OR5M3: variants seen among roughly 807,000 people sequenced by gnomAD.
OR5M3 encodes the protein olfactory receptor 5M3.
For synonymous variants in OR5M3, 129 were observed against 131.3 expected, an observed-to-expected ratio of 0.98 and a Z score of 0.12; for missense variants, 384 against 378.6, an observed-to-expected ratio of 1.01 and a Z score of -0.12.
chr11:56,469,518 C>CT lies in OR5M3; in HGVS notation c.*55dup. The CT allele has an allele frequency of 8.4e-7, 1 of 1,197,280 alleles. No individual in the cohort carries two copies. The highest frequency in any genetic ancestry group is 1.2e-6 in the Non-Finnish European group (1 of 863,858). 74.2% of individuals were successfully genotyped at this position (1,197,280 alleles called of 1,614,324 possible). On this transcript the variant is annotated 3_prime_UTR_variant, in exon 2 of 2. Transcript: ENST00000641993. ...ATGTTCCTAGGTACTGGGTAATAAA[C>CT]TTTTTCCAAACAAATAATAGAAGAT...
intron 1 of OR5M3, among the ~76,000 whole-genome samples, chr11:56,471,882 T>C (rs1296915595): frequency 6.6e-6 from 1 of 152,064 alleles, no homozygotes; most frequent in East Asian, 1.9e-4. Flanking sequence ...TTCTAATGGC[T>C]ATATGTTATC....
Position 56,471,979 on chromosome 11 carries a change from T to C in OR5M3, c.-45+1242A>G, listed in dbSNP as rs904808653. On this transcript the variant is annotated intron_variant, in intron 1 of 1. Coordinates refer to ENST00000641993, the MANE Select transcript of OR5M3 (RefSeq NM_001004742.3). Reference sequence around the variant, plus strand: ...ATCACAATTTGATGAAATTTATCCATATTATTACTGGTTAGCAGTTACCCA... The same window carrying C: ...ATCACAATTTGATGAAATTTATCCACATTATTACTGGTTAGCAGTTACCCA... 2.3e-4 allele frequency among the ~76,000 whole-genome samples: 35 copies of C among 152,058 alleles called. 1 individual carries two copies. Among genetic ancestry groups the C allele is most frequent in the Admixed American group, 1.0e-3 (16 of 15,246 alleles).
At position 56,471,762 on chromosome 11, in the gene OR5M3, T is replaced by C. The variant is rs1015336113; in HGVS notation, c.-44-1221A>G. On this transcript the variant is annotated intron_variant, in intron 1 of 1. Coordinates refer to ENST00000641993, the MANE Select transcript of OR5M3 (RefSeq NM_001004742.3). ...GAAATTCCATTAATTGGATATTTTG[T>C]CAATGAGCATTCACATTCTGCAGAA... Among the ~76,000 whole-genome samples, 3 of 152,050 alleles carry C rather than the reference T, an allele frequency of 2.0e-5. No individual in the cohort carries two copies. The East Asian group carries it at 5.8e-4, about 29-fold the overall frequency.
At position 56,469,507 on chromosome 11, in the gene OR5M3, T is replaced by G; in HGVS notation, c.*67A>C. 1 of 923,694 alleles carries G rather than the reference T, an allele frequency of 1.1e-6. No homozygotes were observed. The highest frequency in any genetic ancestry group is 2.7e-5 in the East Asian group (1 of 37,586). The allele number at this position is 923,694 out of a possible 1,614,324, so 57.2% of individuals were successfully genotyped here. A position where few individuals can be genotyped will look rare whatever the true frequency, so the allele number is the denominator to read the frequency against. ...TCTTTATCTTAATGTTCCTAGGTAC[T>G]GGGTAATAAACTTTTTCCAAACAAA... is the stretch of plus-strand genomic sequence containing the variant. On this transcript the variant is annotated 3_prime_UTR_variant, in exon 2 of 2. Transcript: ENST00000641993.
rs375252197 is a variant in OR5M3, at chr11:56,469,789, A to C, written c.709T>G (p.Ser237Ala). The C allele has an allele frequency of 6.2e-7, 1 of 1,611,736 alleles. No homozygotes were observed. Among genetic ancestry groups the C allele is most frequent in the African/African-American group, 1.3e-5 (1 of 74,890 alleles). ...GCTGTCAGATGGGACCCACATGTGG[A>C]AAAGGCCTTCTGCCTTCCTTCTGCT... Reference protein sequence around the residue: ...RSAEGRQKAFSTCGSHLTAVI... With the variant: ...RSAEGRQKAFATCGSHLTAVI... Residue 237 changes from serine (S) to alanine (A), a missense_variant, in exon 2 of 2, where the codon TCC (serine) becomes GCC (alanine). Ser to Ala is a moderately conservative substitution (Grantham distance 99). Transcript: ENST00000641993.
At chr11:56,470,979 A>G (rs1379745523) in intron 1 of OR5M3, among the ~76,000 whole-genome samples, 2 of 152,112 alleles carry the variant, frequency 1.3e-5, no homozygotes, top group Non-Finnish European at 2.9e-5. Context: ...GAAATAATTC[A>G]TCAGCCTAAA....
chr11:56,471,346 A>G (rs1853665567), intron 1 of OR5M3, among the ~76,000 whole-genome samples: 1 of 151,970 alleles, frequency 6.6e-6, no homozygotes, highest in South Asian at 2.1e-4. Flanking sequence ...TTGAGGGTTC[A>G]GTGGAATTCT....
rs781356277 is a variant in OR5M3 at position 56,469,599 on chromosome 11, A to T, written c.899T>A (p.Met300Lys). The T allele has an allele frequency of 2.7e-6, 4 of 1,506,050 alleles. No homozygotes were observed. The Admixed American group carries it at 6.6e-5, about 25-fold the overall frequency. The allele number at this position is 1,506,050 out of a possible 1,614,324, so 93.3% of individuals were successfully genotyped here. A position where few individuals can be genotyped will look rare whatever the true frequency, so the allele number is the denominator to read the frequency against. Residue 300 changes from methionine (M) to lysine (K), a missense_variant, in exon 2 of 2, where the codon ATG (methionine) becomes AAG (lysine). Coordinates refer to ENST00000641993, the MANE Select transcript of OR5M3 (RefSeq NM_001004742.3). The part of the protein sequence containing the change: ...LRNKDVKKAM[M>K]KVISRSC ...TTAACATGATCTGCTGATCACTTTC[A>T]TCATGGCCTTTTTCACATCCTTGTT...
In OR5M3 at chr11:56,469,899, A is replaced by T. The variant is rs1013025224; in HGVS notation, c.599T>A (p.Leu200His). ...TFVKEYTMII[L>H]AGINFTYSLT... ...GGAATATGTGAAGTTAATGCCGGCA[A>T]GTATGATCATTGTATATTCTTTTAC... The change falls in exon 2 of 2, where the codon CTT becomes CAT. Residue 200 changes from leucine (L) to histidine (H), a missense_variant. Leu to His is a moderately conservative substitution (Grantham distance 99). Coordinates refer to ENST00000641993, the MANE Select transcript of OR5M3 (RefSeq NM_001004742.3). 6.2e-7 allele frequency: 1 copy of T among 1,613,144 alleles called. No homozygotes were observed. Among genetic ancestry groups the T allele is most frequent in the Non-Finnish European group, 8.5e-7 (1 of 1,179,104 alleles).
chr11:56,472,472 T>G (rs1374871531), intron 1 of OR5M3, among the ~76,000 whole-genome samples: 2 of 152,016 alleles, frequency 1.3e-5, no homozygotes, highest in East Asian at 3.8e-4. Flanking sequence ...CATATCTCAT[T>G]TTGTAGTGAC....
chr11:56,470,652 T>C, intron 1 of OR5M3, 111 bp from the exon 2 acceptor site: 1 of 499,440 alleles, frequency 2.0e-6, no homozygotes, highest in Non-Finnish European at 3.5e-6. Context: ...CACAGATCTT[T>C]TCTCAGTGCC....
At chr11:56,471,776 C>T (rs1194536814) in intron 1 of OR5M3, among the ~76,000 whole-genome samples, 1 of 152,000 alleles carries the variant, frequency 6.6e-6, no homozygotes, top group East Asian at 1.9e-4. Flanking sequence ...TGAGCATTCA[C>T]ATTCTGCAGA....
In OR5M3 at chr11:56,469,425, CT is replaced by C; in HGVS notation, c.*148del. On this transcript the variant is annotated 3_prime_UTR_variant, in exon 2 of 2. Coordinates refer to ENST00000641993, the MANE Select transcript of OR5M3 (RefSeq NM_001004742.3). ...TCACATCAACAGAAATGAATCATTC[CT>C]CCTTATATTTTCTCAATTTGTACCA... is the stretch of plus-strand genomic sequence containing the variant. 1 of 515,690 alleles carries C rather than the reference CT, an allele frequency of 1.9e-6. No homozygotes were observed. Among genetic ancestry groups the C allele is most frequent in the Admixed American group, 3.7e-5 (1 of 27,292 alleles). 31.9% of individuals were successfully genotyped at this position (515,690 alleles called of 1,614,324 possible).
chr11:56,471,463 T>A, intron 1 of OR5M3, among the ~76,000 whole-genome samples: 1 of 151,918 alleles, frequency 6.6e-6, no homozygotes, highest in South Asian at 2.1e-4. Flanking sequence ...TAAGAAAACA[T>A]TAGTGCTTGG....
rs759079952 is a variant in OR5M3, at chr11:56,470,393, G to A, written c.105C>T (p.Ile35=). ...TCATGCCGATATTGCCCACCATGGT[G>A]ATGATGTAGACCACAAGAAAGATGA... ...FFIIFLVVYI[I]TMVGNIGMMV... is the part of the protein sequence containing the mutation. Residue 35 remains isoleucine, a synonymous_variant, in exon 2 of 2, where the codon ATC becomes ATT. Coordinates refer to ENST00000641993, the MANE Select transcript of OR5M3 (RefSeq NM_001004742.3). 3.7e-6 allele frequency: 6 copies of A among 1,613,444 alleles called. No individual in the cohort carries two copies. The highest frequency in any genetic ancestry group is 3.3e-5 in the South Asian group (3 of 91,068).
At chr11:56,472,623 A>T (rs536169392) in intron 1 of OR5M3, among the ~76,000 whole-genome samples, 1 of 152,208 alleles carries the variant, frequency 6.6e-6, no homozygotes, top group Admixed American at 6.6e-5. Flanking sequence ...GTTAGATTTC[A>T]TCCTAGGGGG....
chr11:56,471,184 G>A (rs1174449883), intron 1 of OR5M3, among the ~76,000 whole-genome samples: 1 of 152,012 alleles, frequency 6.6e-6, no homozygotes, highest in Non-Finnish European at 1.5e-5. Flanking sequence ...ATCATATACT[G>A]CTGTGTTCTA....
rs762646923 is a variant in OR5M3 at position 56,469,552 on chromosome 11, A to C, written c.*22T>G. The C allele has an allele frequency of 6.9e-7, 1 of 1,442,836 alleles. No homozygotes were observed. The highest frequency in any genetic ancestry group is 9.3e-7 in the Non-Finnish European group (1 of 1,074,646). The allele number at this position is 1,442,836 out of a possible 1,614,324, so 89.4% of individuals were successfully genotyped here. A position where few individuals can be genotyped will look rare whatever the true frequency, so the allele number is the denominator to read the frequency against. On this transcript the variant is annotated 3_prime_UTR_variant, in exon 2 of 2. Coordinates refer to ENST00000641993, the MANE Select transcript of OR5M3 (RefSeq NM_001004742.3). ...AACAAATAATAGAAGATAAAATTAA[A>C]TCAAATTTGATTTTATTTTGTTTAA... is the stretch of plus-strand genomic sequence containing the variant.
In OR5M3 at chr11:56,469,637, G is replaced by A. The variant is rs1342826258; in HGVS notation, c.861C>T (p.Ile287=). ...TCACATCCTTGTTCCTCAGACTGTAGATCATGGGATTCAACATGGGGATCA... is the reference window on the plus strand; with the variant it reads ...TCACATCCTTGTTCCTCAGACTGTAAATCATGGGATTCAACATGGGGATCA... ...TTVIPMLNPM[I]YSLRNKDVKK... Residue 287 remains isoleucine, a synonymous_variant, in exon 2 of 2, where the codon ATC becomes ATT. Coordinates refer to ENST00000641993, the MANE Select transcript of OR5M3 (RefSeq NM_001004742.3). The A allele has an allele frequency of 3.2e-6, 5 of 1,550,138 alleles. No individual in the cohort carries two copies. In the South Asian group the frequency reaches 6.0e-5, roughly 19 times the overall value.
Sources: gnomAD v4.1 joint callset for allele counts (sites outside exome capture counted in the v4.1 genomes callset) on GRCh38, gnomAD v4.1.1 for gene constraint, MANE v1.5 for transcripts, NCBI Gene and HGNC (gene_info 2026-07-23, HGNC 2026-07-21) for gene names.